Variants in AK4 observed in about 807,000 individuals in gnomAD.
The protein encoded by AK4 is adenylate kinase 4, mitochondrial.
Under a neutral mutation model 24.6 loss-of-function variants are expected in AK4, and 13 were observed. The ratio of observed to expected loss-of-function variants is 0.53; its 90% CI spans 0.34 to 0.84. The LOEUF is 0.84. Ranked by LOEUF, AK4 falls within the 40% of genes least tolerant of loss-of-function variation. The pLI, the probability that AK4 is intolerant of heterozygous loss-of-function variation, is 0.01. For missense variants in AK4, 192 were observed against 288.2 expected (o/e 0.67, Z 2.42); for synonymous variants, 88 against 107.0 (o/e 0.82, Z 1.10).
chr1:65,218,783 G>A lies in AK4; in HGVS notation c.295G>A (p.Ala99Thr), dbSNP rs764841675. The A allele has an allele frequency of 3.1e-6, 5 of 1,591,108 alleles. No homozygotes were observed. In the Admixed American group the frequency reaches 5.5e-5, roughly 18 times the overall value. ...TCCTAGGACATTAGGACAAGCCGAAGCCCTGGACAAAATCTGTGAAGTGGA... is the reference window on the plus strand; with the variant it reads ...TCCTAGGACATTAGGACAAGCCGAAACCCTGGACAAAATCTGTGAAGTGGA... ...GFPRTLGQAE[A>T]LDKICEVDLV... The change falls in exon 3 of 5, where the codon GCC becomes ACC. Residue 99 changes from alanine to threonine, a missense_variant. By Grantham distance (58) the Ala-to-Thr change is moderately conservative. Coordinates refer to ENST00000327299, the MANE Select transcript of AK4 (RefSeq NM_013410.4).
intron 2 of AK4, among the ~76,000 whole-genome samples, chr1:65,215,244 T>TC (rs1257110958): frequency 1.3e-5 from 2 of 151,984 alleles, no homozygotes; most frequent in African/African-American, 4.8e-5. Flanking sequence ...CGATCTCTAC[T>TC]CACTGCAATC....
chr1:65,153,738 T>A (rs1388530997), intron 1 of AK4, among the ~76,000 whole-genome samples: 1 of 152,130 alleles, frequency 6.6e-6, no homozygotes, highest in Admixed American at 6.6e-5. Context: ...GGTTGTGTGA[T>A]TAGGGAAGGC....
At chr1:65,171,292 A>T in intron 1 of AK4, among the ~76,000 whole-genome samples, 1 of 120,778 alleles carries the variant, frequency 8.3e-6, no homozygotes, top group African/African-American at 3.2e-5. Flanking sequence ...TCTGTGTTTC[A>T]GAAATAGTTG....
intron 3 of AK4, among the ~76,000 whole-genome samples, chr1:65,220,338 T>C (rs1272305255): frequency 6.6e-6 from 1 of 152,244 alleles, no homozygotes; most frequent in Non-Finnish European, 1.5e-5. Flanking sequence ...TGATTTTGCA[T>C]TTCCACCAGC....
intron 2 of AK4, among the ~76,000 whole-genome samples, chr1:65,204,247 C>G (rs1002531448): frequency 3.3e-5 from 5 of 150,720 alleles, no homozygotes; most frequent in African/African-American, 1.2e-4. Flanking sequence ...GTCGCCCAGG[C>G]TGGAGTGCAG....
intron 2 of AK4, among the ~76,000 whole-genome samples, chr1:65,210,186 G>A (rs1335418834): frequency 6.6e-6 from 1 of 152,160 alleles, no homozygotes; most frequent in African/African-American, 2.4e-5. Flanking sequence ...CAGAGTGAGA[G>A]AGAGCCCCTT....
chr1:65,154,432 G>T (rs914209535), intron 1 of AK4: 8 of 451,494 alleles, frequency 1.8e-5, no homozygotes, highest in Non-Finnish European at 3.6e-5. Context: ...AAGAGCACAT[G>T]CATGGGCTAG....
intron 1 of AK4, among the ~76,000 whole-genome samples, chr1:65,170,979 A>G (rs973322681): frequency 2.3e-5 from 3 of 131,284 alleles, no homozygotes; most frequent in East Asian, 2.2e-4. Flanking sequence ...TTTTTTTGAG[A>G]CAAGGTCTTG....
At chr1:65,151,692 T>A (rs1649776587) in intron 1 of AK4, among the ~76,000 whole-genome samples, 1 of 152,214 alleles carries the variant, frequency 6.6e-6, no homozygotes, top group Non-Finnish European at 1.5e-5. Context: ...AGACAGTACA[T>A]CTTAGTCCAG....
chr1:65,162,200 C>G (rs1650189502), intron 1 of AK4, among the ~76,000 whole-genome samples: 1 of 152,122 alleles, frequency 6.6e-6, no homozygotes, highest in Non-Finnish European at 1.5e-5. Context: ...GAGCTATGGT[C>G]ACACCACCGC....
At chr1:65,153,552 T>C (rs1179977289) in intron 1 of AK4, among the ~76,000 whole-genome samples, 1 of 152,182 alleles carries the variant, frequency 6.6e-6, no homozygotes, top group Non-Finnish European at 1.5e-5. Context: ...ATTACAGGTG[T>C]GAGTCACCAT....
rs1197310728 is a variant in AK4 at position 65,206,446 on chromosome 1, T to C, written c.266-12308T>C. Among the ~76,000 whole-genome samples, 4 of 152,342 alleles carry C rather than the reference T, an allele frequency of 2.6e-5. No homozygotes were observed. In the South Asian group the frequency reaches 6.2e-4, roughly 24 times the overall value. On this transcript the variant is annotated intron_variant, in intron 2 of 4. Transcript: ENST00000327299. ...CCCCTAATTTGTGTATGGGGACTTA[T>C]ATTCAAAGAACAAGCAAGCAGGCCG...
chr1:65,179,631 G>A (rs1650833151), intron 1 of AK4, among the ~76,000 whole-genome samples: 1 of 152,004 alleles, frequency 6.6e-6, no homozygotes, highest in Non-Finnish European at 1.5e-5. Context: ...TTGAACTCAA[G>A]AGTTTGAGAC....
Position 65,218,810 on chromosome 1 carries a change from C to A in AK4, c.322C>A (p.Leu108Ile), listed in dbSNP as rs1276210059. The A allele has an allele frequency of 6.2e-7, 1 of 1,601,044 alleles. No homozygotes were observed. The highest frequency in any genetic ancestry group is 1.7e-5 in the Admixed American group (1 of 57,232). Residue 108 changes from leucine (L) to isoleucine (I), a missense_variant, in exon 3 of 5, where the codon CTA becomes ATA. Leu to Ile is a conservative substitution (Grantham distance 5). Transcript: ENST00000327299. ...EALDKICEVDLVISLNIPFET... is the reference protein window; with the variant it reads ...EALDKICEVDIVISLNIPFET... ...CCTGGACAAAATCTGTGAAGTGGAT[C>A]TAGTGATCAGTTTGAATATTCCATT...
At chr1:65,159,234 G>A (rs539923962) in intron 1 of AK4, among the ~76,000 whole-genome samples, 11 of 152,144 alleles carry the variant, frequency 7.2e-5, no homozygotes, top group Non-Finnish European at 1.2e-4. Flanking sequence ...CATTTGCAGG[G>A]GGCGAAGCAA....
chr1:65,148,168 G>C, upstream of AK4: 1 of 798,194 alleles, frequency 1.3e-6, no homozygotes, highest in Non-Finnish European at 1.8e-6. Context: ...AGGGCGAGGA[G>C]GTGGAGAAGG....
chr1:65,160,615 G>A (rs1650128040), intron 1 of AK4, among the ~76,000 whole-genome samples: 1 of 151,812 alleles, frequency 6.6e-6, no homozygotes. Flanking sequence ...TTTTTTTGGA[G>A]ATGAGGTCTT....
chr1:65,162,657 A>G (rs1338741133), intron 1 of AK4, among the ~76,000 whole-genome samples: 1 of 151,986 alleles, frequency 6.6e-6, no homozygotes, highest in Non-Finnish European at 1.5e-5. Context: ...CCCGGCTAAC[A>G]CGGTGAAACA....
chr1:65,207,400 C>T (rs1258884192), intron 2 of AK4, among the ~76,000 whole-genome samples: 1 of 152,088 alleles, frequency 6.6e-6, no homozygotes, highest in African/African-American at 2.4e-5. Flanking sequence ...TTTCAAATCT[C>T]TTAAACCCTG....
Sources: gnomAD v4.1 joint callset for allele counts (sites outside exome capture counted in the v4.1 genomes callset) on GRCh38, gnomAD v4.1.1 for gene constraint, MANE v1.5 for transcripts, NCBI Gene and HGNC (gene_info 2026-07-23, HGNC 2026-07-21) for gene names.